ZRANB3: variants seen among roughly 807,000 people sequenced by gnomAD.
ZRANB3 encodes the protein zinc finger RANBP2-type containing 3, also known as DNA annealing helicase and endonuclease ZRANB3.
ZRANB3 carries 125 observed loss-of-function variants against 133.8 expected under a neutral mutation model. That is an observed-to-expected ratio of 0.93 (90% CI 0.81 to 1.08). The LOEUF is 1.08. Among genes scored for constraint, ZRANB3 ranks in the 50% least tolerant of loss-of-function variants. The pLI is 0.00. For missense variants in ZRANB3, 1,229 were observed against 1,275.5 expected, an observed-to-expected ratio of 0.96 and a Z score of 0.56; for synonymous variants, 387 against 432.7, an observed-to-expected ratio of 0.89 and a Z score of 1.31.
intron 17 of ZRANB3, among the ~76,000 whole-genome samples, chr2:135,217,133 G>A (rs1236226211): frequency 6.6e-6 from 1 of 152,188 alleles, no homozygotes; most frequent in African/African-American, 2.4e-5. Context: ...ATGCTCTGAT[G>A]TTCTAAGAGT....
At chr2:135,451,580 A>AC (rs1041881496) in intron 2 of ZRANB3, among the ~76,000 whole-genome samples, 3 of 151,940 alleles carry the variant, frequency 2.0e-5, no homozygotes, top group African/African-American at 7.3e-5. Context: ...AAAAAAACAA[A>AC]AAAAAAACAA....
At chr2:135,371,535 G>A (rs1239072997) in intron 3 of ZRANB3, among the ~76,000 whole-genome samples, 2 of 152,142 alleles carry the variant, frequency 1.3e-5, no homozygotes, top group African/African-American at 2.4e-5. Context: ...TAACCCAGTT[G>A]TGCAAAACAG....
At chr2:135,305,502 C>T (rs913423771) in intron 8 of ZRANB3, among the ~76,000 whole-genome samples, 2 of 152,146 alleles carry the variant, frequency 1.3e-5, no homozygotes, top group African/African-American at 2.4e-5. Flanking sequence ...TAACATTTAA[C>T]GTTATGTTTT....
intron 6 of ZRANB3, among the ~76,000 whole-genome samples, chr2:135,341,737 C>CG (rs781266639): frequency 6.7e-5 from 10 of 149,796 alleles, no homozygotes; most frequent in Admixed American, 2.0e-4. Context: ...CAGGGCAGGG[C>CG]GGGGGGCCTC....
At chr2:135,298,817 T>C (rs551406988) in intron 8 of ZRANB3, among the ~76,000 whole-genome samples, 1 of 152,320 alleles carries the variant, frequency 6.6e-6, no homozygotes, top group Admixed American at 6.5e-5. Flanking sequence ...AGCAGTGAAT[T>C]TGTCACATGT....
chr2:135,322,641 C>T (rs1404299634), intron 6 of ZRANB3, among the ~76,000 whole-genome samples: 1 of 151,960 alleles, frequency 6.6e-6, no homozygotes, highest in Non-Finnish European at 1.5e-5. Flanking sequence ...TTGCTTGAGC[C>T]CAGGAGGTTG....
intron 12 of ZRANB3, among the ~76,000 whole-genome samples, chr2:135,252,604 C>T (rs112724710): frequency 6.6e-6 from 1 of 152,186 alleles, no homozygotes; most frequent in African/African-American, 2.4e-5. Context: ...CCAAATGACT[C>T]TTGGACAACA....
chr2:135,373,654 G>A (rs545247073), intron 3 of ZRANB3, among the ~76,000 whole-genome samples: 1 of 152,056 alleles, frequency 6.6e-6, no homozygotes, highest in African/African-American at 2.4e-5. Context: ...TGGGTGTAAT[G>A]GTGCATGCCT....
At chr2:135,402,295 CTTTT>C (rs374450905) in intron 2 of ZRANB3, among the ~76,000 whole-genome samples, 1 of 133,848 alleles carries the variant, frequency 7.5e-6, no homozygotes, top group Admixed American at 7.5e-5. Flanking sequence ...TTCTTTCTCT[CTTTT>C]TTTTTTTTTT....
intron 3 of ZRANB3, among the ~76,000 whole-genome samples, chr2:135,376,736 C>T (rs1229484132): frequency 1.3e-5 from 2 of 152,188 alleles, no homozygotes; most frequent in Non-Finnish European, 2.9e-5. Context: ...GGTAGTGAAA[C>T]TGTCCTGTAT....
chr2:135,284,910 C>A (rs13406513), intron 8 of ZRANB3, among the ~76,000 whole-genome samples: 40,402 of 150,742 alleles, frequency 0.27, 9,044 homozygotes, highest in African/African-American at 0.6. Context: ...CCACGGTGCA[C>A]TCTTGGCTCG....
chr2:135,524,393 A>G (rs1437389298), intron 1 of ZRANB3, among the ~76,000 whole-genome samples: 2 of 152,182 alleles, frequency 1.3e-5, no homozygotes, highest in Admixed American at 1.3e-4. Context: ...GTAGAATTCT[A>G]TAATAGAAAT....
At chr2:135,489,297 C>T (rs1042386666) in intron 2 of ZRANB3, among the ~76,000 whole-genome samples, 1 of 107,384 alleles carries the variant, frequency 9.3e-6, no homozygotes, top group Non-Finnish European at 1.7e-5. Flanking sequence ...ACATCACACT[C>T]GGGACTGTTG....
chr2:135,530,473 C>T (rs1694480915), intron 1 of ZRANB3: 2 of 152,320 alleles, frequency 1.3e-5, no homozygotes, highest in Admixed American at 6.5e-5. Flanking sequence ...CTTTTTATCT[C>T]CCATGCAAGA....
intron 20 of ZRANB3, 128 bp downstream of exon 20, chr2:135,202,704 A>C: frequency 8.6e-7 from 1 of 1,159,830 alleles, no homozygotes; most frequent in Non-Finnish European, 1.2e-6. Flanking sequence ...GGGTGATGAA[A>C]GGAGTAAAAT....
intron 9 of ZRANB3, 52 bp from the exon 10 acceptor site, chr2:135,271,939 T>A: frequency 1.3e-6 from 2 of 1,498,104 alleles, no homozygotes; most frequent in South Asian, 1.4e-5. Flanking sequence ...TATGTACCCA[T>A]CTCATTTTAT....
Position 135,293,428 on chromosome 2 carries a change from T to C in ZRANB3, c.967-17673A>G, listed in dbSNP as rs1048434738. Among the ~76,000 whole-genome samples, 15 of 152,254 alleles carry C rather than the reference T, an allele frequency of 9.9e-5. 1 individual carries two copies. The highest frequency in any genetic ancestry group is 3.6e-4 in the African/African-American group (15 of 41,548). On this transcript the variant is annotated intron_variant, in intron 8 of 20. Coordinates refer to ENST00000264159, the MANE Select transcript of ZRANB3 (RefSeq NM_032143.4). ...TATTGGTGTATAAGAATGCTTGTGATTTTTGCACATTGATTTTGTATCCTG... is the reference window on the plus strand; with the variant it reads ...TATTGGTGTATAAGAATGCTTGTGACTTTTGCACATTGATTTTGTATCCTG...
At chr2:135,368,623 A>G (rs1455611092) in intron 3 of ZRANB3, among the ~76,000 whole-genome samples, 3 of 152,080 alleles carry the variant, frequency 2.0e-5, no homozygotes, top group Non-Finnish European at 4.4e-5. Context: ...ACATTTGAAA[A>G]TAACTACGAG....
intron 2 of ZRANB3, among the ~76,000 whole-genome samples, chr2:135,420,411 T>G (rs1688791569): frequency 6.6e-6 from 1 of 152,126 alleles, no homozygotes; most frequent in South Asian, 2.1e-4. Flanking sequence ...CTTGGTCCAC[T>G]GAACCCAGGA....
Sources: allele counts gnomAD v4.1 joint callset (sites outside exome capture counted in the v4.1 genomes callset), GRCh38; gene constraint gnomAD v4.1.1; transcripts MANE v1.5; gene names NCBI Gene and HGNC (gene_info 2026-07-23, HGNC 2026-07-21).